CAMTA1: variants seen among roughly 807,000 people sequenced by gnomAD.
CAMTA1 encodes calmodulin-binding transcription activator 1.
Under a neutral mutation model 170.9 loss-of-function variants are expected in CAMTA1, and 27 were observed. The ratio of observed to expected loss-of-function variants is 0.16; its 90% CI spans 0.12 to 0.22. The LOEUF (loss-of-function observed/expected upper bound fraction) is 0.22, where lower values mean the gene tolerates loss of function less well. Ranked by LOEUF, CAMTA1 falls within the 10% of genes least tolerant of loss-of-function variation. The pLI, the probability that CAMTA1 is intolerant of heterozygous loss-of-function variation, is 1.00. For missense variants in CAMTA1, 1,619 were observed against 2,217.2 expected (o/e 0.73, Z 5.42); for synonymous variants, 833 against 891.5 (o/e 0.93, Z 1.17).
At chr1:7,239,890 G>A (rs901350464) in intron 4 of CAMTA1, among the ~76,000 whole-genome samples, 47 of 151,936 alleles carry the variant, frequency 3.1e-4, no homozygotes, top group African/African-American at 1.1e-3. Context: ...AATGAGAGAG[G>A]AGGAGGGGGC....
At chr1:6,842,803 A>C (rs1656400020) in intron 3 of CAMTA1, among the ~76,000 whole-genome samples, 1 of 152,100 alleles carries the variant, frequency 6.6e-6, no homozygotes, top group Non-Finnish European at 1.5e-5. Context: ...GCATGCCTGT[A>C]ATCCCAGCTA....
At chr1:7,145,036 C>T (rs1646103120) in intron 4 of CAMTA1, among the ~76,000 whole-genome samples, 1 of 152,238 alleles carries the variant, frequency 6.6e-6, no homozygotes, top group Admixed American at 6.5e-5. Flanking sequence ...CCTTTCGGTG[C>T]CTCACTCTGC....
intron 4 of CAMTA1, among the ~76,000 whole-genome samples, chr1:7,229,984 C>A (rs1439314078): frequency 1.3e-5 from 2 of 152,064 alleles, no homozygotes; most frequent in African/African-American, 4.8e-5. Flanking sequence ...CAAGGAATGA[C>A]CTGAAGGCCC....
intron 6 of CAMTA1, among the ~76,000 whole-genome samples, chr1:7,586,230 G>C (rs886706971): frequency 1.3e-5 from 2 of 152,096 alleles, no homozygotes; most frequent in African/African-American, 4.8e-5. Flanking sequence ...AGGGCCCAGC[G>C]GTGGGGATCC....
At chr1:7,504,310 A>G (rs1351152360) in intron 6 of CAMTA1, among the ~76,000 whole-genome samples, 1 of 152,068 alleles carries the variant, frequency 6.6e-6, no homozygotes, top group Non-Finnish European at 1.5e-5. Flanking sequence ...GCCCCGTGGA[A>G]CCCCCAGGTG....
At chr1:7,227,629 G>A (rs546162756) in intron 4 of CAMTA1, among the ~76,000 whole-genome samples, 35 of 152,276 alleles carry the variant, frequency 2.3e-4, no homozygotes, top group African/African-American at 7.9e-4. Context: ...GCTCCCAGCC[G>A]AACTCATCCC....
At chr1:6,962,917 G>A (rs1033519315) in intron 3 of CAMTA1, among the ~76,000 whole-genome samples, 2 of 147,170 alleles carry the variant, frequency 1.4e-5, no homozygotes, top group Admixed American at 6.8e-5. Context: ...TGCCTGCCGA[G>A]CTCCTCTGGA....
chr1:7,464,282 G>A (rs2693953), intron 5 of CAMTA1, among the ~76,000 whole-genome samples: 62,864 of 152,058 alleles, frequency 0.41, 13,806 homozygotes, highest in African/African-American at 0.54. Flanking sequence ...CACGAGCCCC[G>A]GAATGTGGCT....
At chr1:7,711,274 T>G (rs1237635869) in intron 11 of CAMTA1, among the ~76,000 whole-genome samples, 2 of 152,206 alleles carry the variant, frequency 1.3e-5, no homozygotes, top group African/African-American at 4.8e-5. Context: ...TCTCAAGACC[T>G]AATCACCTTC....
intron 4 of CAMTA1, among the ~76,000 whole-genome samples, chr1:7,164,721 G>A (rs1227890799): frequency 6.6e-6 from 1 of 152,208 alleles, no homozygotes; most frequent in Non-Finnish European, 1.5e-5. Flanking sequence ...TTTTTGCAGC[G>A]TTTCAGCCAG....
At chr1:7,709,084 G>A (rs1193880927) in intron 11 of CAMTA1, among the ~76,000 whole-genome samples, 1 of 152,058 alleles carries the variant, frequency 6.6e-6, no homozygotes, top group Admixed American at 6.6e-5. Context: ...CTGGTGTGCT[G>A]GTGTGCCTAC....
chr1:7,349,301 C>T (rs1408531897), intron 5 of CAMTA1, among the ~76,000 whole-genome samples: 1 of 152,198 alleles, frequency 6.6e-6, no homozygotes, highest in East Asian at 1.9e-4. Context: ...CAATGGGGCA[C>T]CGTCCTGCCA....
Position 7,329,988 on chromosome 1 carries a change from AT to A in CAMTA1, c.438+80365del, listed in dbSNP as rs1056075078. On this transcript the variant is annotated intron_variant, in intron 5 of 22. Transcript: ENST00000303635. Reference sequence around the variant, plus strand: ...CATGGGTAACAACGGCCACAGATAGATTTCCAGGCTGTTCTTGGGGCACCTC... The same window carrying A: ...CATGGGTAACAACGGCCACAGATAGATTCCAGGCTGTTCTTGGGGCACCTC... Among the ~76,000 whole-genome samples, 317 of 152,246 alleles carry A rather than the reference AT, an allele frequency of 2.1e-3. 3 individuals are homozygous for A. The highest frequency in any genetic ancestry group is 7.4e-3 in the African/African-American group (306 of 41,538).
In CAMTA1 at chr1:7,531,107, G is replaced by A. The variant is rs182850305; in HGVS notation, c.510+63206G>A. Reference sequence around the variant, plus strand: ...GCTGAGATTACAGGCATGAGCCACCGCGCCTGGCCAGTAACCTCTTAATAT... The same window carrying A: ...GCTGAGATTACAGGCATGAGCCACCACGCCTGGCCAGTAACCTCTTAATAT... On this transcript the variant is annotated intron_variant, in intron 6 of 22. Coordinates refer to ENST00000303635, the MANE Select transcript of CAMTA1 (RefSeq NM_015215.4). Among the ~76,000 whole-genome samples, 382 of 151,598 alleles carry A rather than the reference G, an allele frequency of 2.5e-3. 1 individual carries two copies. The highest frequency in any genetic ancestry group is 8.0e-3 in the African/African-American group (330 of 41,320).
At chr1:7,392,258 C>CT (rs3034862) in intron 5 of CAMTA1, among the ~76,000 whole-genome samples, 87,018 of 135,676 alleles carry the variant, frequency 0.64, 28,682 homozygotes, top group Middle Eastern at 0.74. Flanking sequence ...AGACCCCCAT[C>CT]TTTTTTTTTT....
At chr1:6,808,855 C>G (rs1644838653) in intron 1 of CAMTA1, among the ~76,000 whole-genome samples, 1 of 152,020 alleles carries the variant, frequency 6.6e-6, no homozygotes, top group South Asian at 2.1e-4. Flanking sequence ...GTGTGTGTCA[C>G]ACACACATGC....
At chr1:6,945,110 GA>G (rs1314863165) in intron 3 of CAMTA1, among the ~76,000 whole-genome samples, 1 of 152,138 alleles carries the variant, frequency 6.6e-6, no homozygotes, top group African/African-American at 2.4e-5. Context: ...TGTCCACCTA[GA>G]GCAGTATTTG....
At chr1:7,252,486 G>C (rs1666778582) in intron 5 of CAMTA1, among the ~76,000 whole-genome samples, 1 of 152,184 alleles carries the variant, frequency 6.6e-6, no homozygotes, top group African/African-American at 2.4e-5. Flanking sequence ...CTGGACCAAG[G>C]GTGGGGAAGC....
At chr1:7,398,833 C>A (rs982379955) in intron 5 of CAMTA1, among the ~76,000 whole-genome samples, 2 of 151,734 alleles carry the variant, frequency 1.3e-5, no homozygotes, top group Admixed American at 1.3e-4. Context: ...GTAGTTACTA[C>A]GGGGTTTACA....
Sources: gnomAD v4.1 joint callset for allele counts (sites outside exome capture counted in the v4.1 genomes callset) on GRCh38, gnomAD v4.1.1 for gene constraint, MANE v1.5 for transcripts, NCBI Gene and HGNC (gene_info 2026-07-23, HGNC 2026-07-21) for gene names.